PCDH15: variants seen among roughly 807,000 people sequenced by gnomAD.
The protein encoded by PCDH15 is protocadherin related 15.
A neutral mutation model predicts 178.5 loss-of-function variants in PCDH15; 129 were observed. That is an observed-to-expected ratio of 0.72 (90% confidence interval 0.63 to 0.84). The LOEUF (loss-of-function observed/expected upper bound fraction) is 0.84. Among genes scored for constraint, PCDH15 ranks in the 40% least tolerant of loss-of-function variants. The pLI, the probability that PCDH15 is intolerant of heterozygous loss-of-function variation, is 0.00. For synonymous variants in PCDH15, 800 were observed against 732.0 expected, an observed-to-expected ratio of 1.09 and a Z score of -1.50; for missense variants, 2,230 against 2,099.9, an observed-to-expected ratio of 1.06 and a Z score of -1.21.
chr10:54,611,116 AT>A (rs1017858173), intron 2 of PCDH15, among the ~76,000 whole-genome samples: 14 of 151,780 alleles, frequency 9.2e-5, no homozygotes, highest in Non-Finnish European at 2.1e-4. Flanking sequence ...ACAGTTTAGC[AT>A]TTTTTTCTTA....
At chr10:55,256,551 T>G (rs1049399658) in intron 1 of PCDH15, among the ~76,000 whole-genome samples, 1 of 152,190 alleles carries the variant, frequency 6.6e-6, no homozygotes, top group African/African-American at 2.4e-5. Flanking sequence ...CCAATGGTCT[T>G]GGCAAACGGC....
At chr10:55,009,367 G>A (rs532431100) in intron 2 of PCDH15, among the ~76,000 whole-genome samples, 3 of 152,078 alleles carry the variant, frequency 2.0e-5, no homozygotes, top group African/African-American at 7.2e-5. Context: ...AAGGATAACA[G>A]CATTAACAAG....
chr10:54,020,239 A>C lies in PCDH15; in HGVS notation c.2704T>G (p.Tyr902Asp). ...GCAATACCAGGTGGCATTGTTCCAT[A>C]AATATCAAAGGCCTCTACCAGAAAA... is the stretch of plus-strand genomic sequence containing the variant. Reference protein sequence around the residue: ...ITFLVEAFDIYGTMPPGIATV... With the variant: ...ITFLVEAFDIDGTMPPGIATV... The change falls in exon 20 of 38, where the codon TAT (tyrosine) becomes GAT (aspartate). Residue 902 changes from tyrosine (Y) to aspartate (D), a missense_variant. Physicochemically the swap from Tyr to Asp is radical, Grantham distance 160 (BLOSUM62 -3). Coordinates refer to ENST00000644397, the MANE Select transcript of PCDH15 (RefSeq NM_001384140.1). The C allele has an allele frequency of 6.2e-7, 1 of 1,613,758 alleles. No individual in the cohort carries two copies. The highest frequency in any genetic ancestry group is 8.5e-7 in the Non-Finnish European group (1 of 1,179,778).
chr10:55,384,210 T>C (rs1314524640), intron 2 of PCDH15, among the ~76,000 whole-genome samples: 1 of 152,158 alleles, frequency 6.6e-6, no homozygotes, highest in Non-Finnish European at 1.5e-5. Flanking sequence ...TTTTGGGAGT[T>C]GCAATATTGT....
Position 54,991,081 on chromosome 10 carries a change from G to A in PCDH15, c.-79-93581C>T, listed in dbSNP as rs186827738. On this transcript the variant is annotated intron_variant, in intron 2 of 5. Coordinates refer to the PCDH15 transcript ENST00000458638. Reference sequence around the variant, plus strand: ...TGAAGTCCCAATTTACTTTCATTTCGTTTGCATTTTACATTCTATTGGACA... The same window carrying A: ...TGAAGTCCCAATTTACTTTCATTTCATTTGCATTTTACATTCTATTGGACA... Among the ~76,000 whole-genome samples, 782 of 151,886 alleles carry A rather than the reference G, an allele frequency of 5.1e-3. 4 individuals carry two copies. The highest frequency in any genetic ancestry group is 0.018 in the African/African-American group (748 of 41,416).
At chr10:54,564,929 G>GA (rs1183184905) in intron 2 of PCDH15, among the ~76,000 whole-genome samples, 9 of 151,864 alleles carry the variant, frequency 5.9e-5, no homozygotes, top group African/African-American at 2.2e-4. Flanking sequence ...CTCATTCTTG[G>GA]AAAAAAATGA....
At chr10:54,716,636 C>A (rs1444821374) in intron 1 of PCDH15, among the ~76,000 whole-genome samples, 1 of 151,986 alleles carries the variant, frequency 6.6e-6, no homozygotes, top group Non-Finnish European at 1.5e-5. Context: ...GCTGAAGTTG[C>A]TTATCAGCTT....
intron 1 of PCDH15, among the ~76,000 whole-genome samples, chr10:54,727,278 G>T (rs1219716366): frequency 6.6e-6 from 1 of 151,130 alleles, no homozygotes; most frequent in African/African-American, 2.4e-5. Flanking sequence ...AATAAAAATA[G>T]AAATCAATAC....
intron 1 of PCDH15, among the ~76,000 whole-genome samples, chr10:55,176,229 G>A (rs1366314135): frequency 4.6e-5 from 7 of 152,012 alleles, no homozygotes; most frequent in South Asian, 2.1e-4. Context: ...GTCTCAGGAC[G>A]ATACTTTTCC....
Position 55,575,031 on chromosome 10 carries a change from C to T in PCDH15, c.-156+52594G>A, listed in dbSNP as rs931429015. Among the ~76,000 whole-genome samples, 9 of 152,176 alleles carry T rather than the reference C, an allele frequency of 5.9e-5. No homozygotes were observed. The South Asian group carries it at 1.9e-3, about 32-fold the overall frequency. On this transcript the variant is annotated intron_variant, in intron 2 of 5. Coordinates refer to the PCDH15 transcript ENST00000613346. ...GTATAATTCCTTCAAATTATTTCAA[C>T]TCAGAGCTTTTACTCACAAAAATCA...
intron 25 of PCDH15, among the ~76,000 whole-genome samples, chr10:53,912,072 G>A (rs896377299): frequency 6.6e-6 from 1 of 152,134 alleles, no homozygotes; most frequent in Non-Finnish European, 1.5e-5. Flanking sequence ...ACTGAATCCA[G>A]CAGCACATCA....
At chr10:54,163,826 A>C (rs1407399606) in intron 13 of PCDH15, among the ~76,000 whole-genome samples, 3 of 152,128 alleles carry the variant, frequency 2.0e-5, no homozygotes, top group Non-Finnish European at 4.4e-5. Context: ...AATTATAATA[A>C]ATTCTGATGT....
At chr10:55,419,668 A>AT (rs1200652979) in intron 2 of PCDH15, among the ~76,000 whole-genome samples, 2 of 151,556 alleles carry the variant, frequency 1.3e-5, no homozygotes, top group Non-Finnish European at 3.0e-5. Context: ...AACAGAAATG[A>AT]TTTTTTCTTT....
chr10:55,119,707 T>C (rs1167254570), intron 2 of PCDH15, among the ~76,000 whole-genome samples: 1 of 152,192 alleles, frequency 6.6e-6, no homozygotes, highest in Non-Finnish European at 1.5e-5. Flanking sequence ...ATTGCCCAAA[T>C]GGCCTGTAAC....
At chr10:55,271,857 AT>A (rs560001644) in intron 1 of PCDH15, among the ~76,000 whole-genome samples, 103 of 152,210 alleles carry the variant, frequency 6.8e-4, no homozygotes, top group Non-Finnish European at 1.3e-3. Context: ...AGAGATGCAA[AT>A]TTTCATTCAC....
intron 32 of PCDH15, chr10:53,823,492 A>C: frequency 1.2e-6 from 1 of 869,056 alleles, no homozygotes; most frequent in Non-Finnish European, 2.0e-6. Flanking sequence ...TAACCTACTA[A>C]AGCAAGACAT....
At chr10:54,789,706 G>C (rs1951211033) in intron 1 of PCDH15, among the ~76,000 whole-genome samples, 1 of 151,824 alleles carries the variant, frequency 6.6e-6, no homozygotes, top group South Asian at 2.1e-4. Context: ...TAATTTTGAA[G>C]TGCAAATATG....
chr10:55,536,835 T>C lies in PCDH15; in HGVS notation c.-156+90790A>G, dbSNP rs184707395. ...ACTGAAATAGCAGTTTATTTTAATA[T>C]AGCTGCAACTTCTATCTGCATATAT... On this transcript the variant is annotated intron_variant, in intron 2 of 5. Coordinates refer to the PCDH15 transcript ENST00000613346. 1.5e-3 allele frequency among the ~76,000 whole-genome samples: 230 copies of C among 152,292 alleles called. 1 individual carries two copies. Among genetic ancestry groups the C allele is most frequent in the Non-Finnish European group, 2.5e-3 (167 of 68,010 alleles).
intron 26 of PCDH15, among the ~76,000 whole-genome samples, chr10:53,897,367 T>C (rs1410449565): frequency 6.6e-6 from 1 of 152,194 alleles, no homozygotes; most frequent in Non-Finnish European, 1.5e-5. Context: ...GAACATAAGC[T>C]TCACATTCAT....
Sources: allele counts gnomAD v4.1 joint callset (sites outside exome capture counted in the v4.1 genomes callset), GRCh38; gene constraint gnomAD v4.1.1; transcripts MANE v1.5; gene names NCBI Gene and HGNC (gene_info 2026-07-23, HGNC 2026-07-21).